Variants in ATP13A5 observed in about 807,000 individuals in gnomAD.
ATP13A5 encodes ATPase 13A5.
ATP13A5 carries 149 observed loss-of-function variants against 150.2 expected under a neutral mutation model. The ratio of observed to expected loss-of-function variants is 0.99; its 90% CI spans 0.87 to 1.14. The LOEUF (loss-of-function observed/expected upper bound fraction) is 1.14, where lower values mean the gene tolerates loss of function less well. Ranked by LOEUF, ATP13A5 falls within the 50% of genes most tolerant of loss-of-function variation. The pLI is 0.00. For missense variants in ATP13A5, 1,383 were observed against 1,449.3 expected, an observed-to-expected ratio of 0.95 and a Z score of 0.74; for synonymous variants, 497 against 522.2, an observed-to-expected ratio of 0.95 and a Z score of 0.66.
intron 1 of ATP13A5, among the ~76,000 whole-genome samples, chr3:193,368,661 C>T (rs1713335845): frequency 6.6e-6 from 1 of 152,142 alleles, no homozygotes; most frequent in African/African-American, 2.4e-5. Context: ...AAAGGAGCCA[C>T]TGCAATCTGT....
Position 193,285,130 on chromosome 3 carries a change from A to G in ATP13A5, c.3024-14T>C, listed in dbSNP as rs1294805663. On this transcript the variant is annotated splice_polypyrimidine_tract_variant and intron_variant, in intron 26 of 29. Coordinates refer to ENST00000342358, the MANE Select transcript of ATP13A5 (RefSeq NM_198505.4). ...AGAAAACACTCACTACAAAAGAATC[A>G]CCAGTGTTTATGAAACATTTGATTC... 6.2e-7 allele frequency: 1 copy of G among 1,603,970 alleles called. No individual in the cohort carries two copies. The highest frequency in any genetic ancestry group is 1.3e-5 in the African/African-American group (1 of 74,540).
Position 193,364,031 on chromosome 3 carries a change from CCA to C in ATP13A5, c.237+74_237+75del, listed in dbSNP as rs1384408253. Reference sequence around the variant, plus strand: ...TCTACCTTCTGAAATATAATACCAGCCACAGAGTTATGCCACAGAGGCAATAC... The same window carrying C: ...TCTACCTTCTGAAATATAATACCAGCCAGAGTTATGCCACAGAGGCAATAC... On this transcript the variant is annotated intron_variant, in intron 2 of 29. Transcript: ENST00000342358. 8 of 1,444,640 alleles carry C rather than the reference CCA, an allele frequency of 5.5e-6. No homozygotes were observed. In the South Asian group the frequency reaches 7.6e-5, roughly 14 times the overall value. The allele number at this position is 1,444,640 out of a possible 1,614,324, so 89.5% of individuals were successfully genotyped here. A position where few individuals can be genotyped will look rare whatever the true frequency, so the allele number is the denominator to read the frequency against.
In ATP13A5 at chr3:193,336,305, G is replaced by A. The variant is rs1711857531; in HGVS notation, c.944-1206C>T. On this transcript the variant is annotated intron_variant, in intron 9 of 29. Coordinates refer to ENST00000342358, the MANE Select transcript of ATP13A5 (RefSeq NM_198505.4). ...CACAACATGCAGGTTTGTTACATAT[G>A]TATACATGTGCCATGCTGGTGTGCT... 2.0e-5 allele frequency among the ~76,000 whole-genome samples: 3 copies of A among 152,066 alleles called. No homozygotes were observed. The South Asian group carries it at 6.2e-4, about 32-fold the overall frequency.
intron 1 of ATP13A5, among the ~76,000 whole-genome samples, chr3:193,373,049 G>T (rs911979198): frequency 6.6e-5 from 10 of 152,088 alleles, no homozygotes; most frequent in African/African-American, 2.4e-4. Flanking sequence ...TTTTTGAGGG[G>T]AAGTTCTTTA....
intron 8 of ATP13A5, 105 bp from the exon 9 acceptor site, chr3:193,344,160 T>C (rs755351958): frequency 1.6e-5 from 22 of 1,399,512 alleles, no homozygotes; most frequent in Non-Finnish European, 1.9e-5. Flanking sequence ...AGAGCTACCC[T>C]ACCTGTTCAA....
At position 193,378,685 on chromosome 3, in the gene ATP13A5, T is replaced by A; in HGVS notation, c.41A>T (p.Asn14Ile). The change falls in exon 1 of 30, where the codon AAC becomes ATC. Residue 14 changes from asparagine (N) to isoleucine (I), a missense_variant. Physicochemically the swap from Asn to Ile is moderately radical, Grantham distance 149 (BLOSUM62 -3). This residue lies in a region of ATP13A5 where 787 missense variants were observed against 771.9 expected (regional missense o/e 1.02). Transcript: ENST00000342358. ...CACCAGTTCATCCTCCTCTCCCTGG[T>A]TGAGCAAAGCCCGATGGTCCTTCTT... The part of the protein sequence containing the change: ...NSKKDHRALL[N>I]QGEEDELEVF... 1 of 1,613,982 alleles carries A rather than the reference T, an allele frequency of 6.2e-7. No homozygotes were observed. Among genetic ancestry groups the A allele is most frequent in the Non-Finnish European group, 8.5e-7 (1 of 1,179,858 alleles).
chr3:193,349,004 A>C (rs1229644257), intron 7 of ATP13A5, among the ~76,000 whole-genome samples: 1 of 152,184 alleles, frequency 6.6e-6, no homozygotes, highest in African/African-American at 2.4e-5. Flanking sequence ...TATAAAAATC[A>C]TGTATGTTTT....
intron 7 of ATP13A5, among the ~76,000 whole-genome samples, chr3:193,346,293 A>G (rs1367170996): frequency 2.6e-5 from 4 of 152,206 alleles, no homozygotes; most frequent in Non-Finnish European, 4.4e-5. Flanking sequence ...GAGATCGTTT[A>G]TTGAGTTAGG....
chr3:193,378,581 C>T (rs1395441349), intron 1 of ATP13A5, 82 bp downstream of exon 1: 2 of 1,228,992 alleles, frequency 1.6e-6, no homozygotes, highest in African/African-American at 1.5e-5. Flanking sequence ...AAATGCTACA[C>T]TCTATTTTCT....
In ATP13A5 at chr3:193,326,935, T is replaced by C. The variant is rs73888259; in HGVS notation, c.1523+61A>G. The C allele has an allele frequency of 4.6e-4, 662 of 1,454,768 alleles. 3 individuals carry two copies. The African/African-American group carries it at 8.4e-3, about 18-fold the overall frequency. The allele number at this position is 1,454,768 out of a possible 1,614,324, so 90.1% of individuals were successfully genotyped here. On this transcript the variant is annotated intron_variant, in intron 13 of 29. Coordinates refer to ENST00000342358, the MANE Select transcript of ATP13A5 (RefSeq NM_198505.4). Reference sequence around the variant, plus strand: ...CATCCCTTAACACCCAAAAGATGGATTTGAGTATCATCCAGGTAACTCCAC... The same window carrying C: ...CATCCCTTAACACCCAAAAGATGGACTTGAGTATCATCCAGGTAACTCCAC...
intron 27 of ATP13A5, chr3:193,281,131 C>A: frequency 1.0e-6 from 1 of 965,178 alleles, no homozygotes; most frequent in Non-Finnish European, 1.2e-6. Context: ...ATAAAGCAAT[C>A]TAAATGGCTT....
chr3:193,353,246 T>C (rs575199866), intron 6 of ATP13A5, among the ~76,000 whole-genome samples: 1 of 146,440 alleles, frequency 6.8e-6, no homozygotes, highest in African/African-American at 2.5e-5. Flanking sequence ...AACAAAGCCA[T>C]CAAAGAAGCA....
intron 1 of ATP13A5, among the ~76,000 whole-genome samples, chr3:193,371,188 G>A (rs1325964921): frequency 2.6e-5 from 4 of 152,134 alleles, no homozygotes; most frequent in African/African-American, 7.2e-5. Context: ...TGGCAAGTTC[G>A]GTTAAAAGTC....
At position 193,362,558 on chromosome 3, in the gene ATP13A5, T is replaced by C. The variant is rs756641726; in HGVS notation, c.455+9A>G. 1.9e-6 allele frequency: 3 copies of C among 1,613,882 alleles called. No individual in the cohort carries two copies. In the South Asian group the frequency reaches 3.3e-5, roughly 18 times the overall value. On this transcript the variant is annotated intron_variant, in intron 4 of 29. Transcript: ENST00000342358. ...TCCTGACCAAGGGGTGACAAAACAT[T>C]GTACTTACCCAACTTTCTGAAACCG...
chr3:193,292,344 A>G (rs1717997238), intron 25 of ATP13A5, among the ~76,000 whole-genome samples: 1 of 152,154 alleles, frequency 6.6e-6, no homozygotes, highest in Non-Finnish European at 1.5e-5. Context: ...TTCTCTGTGC[A>G]TCTGGCTTCT....
chr3:193,316,858 A>G (rs1719070425), intron 17 of ATP13A5, among the ~76,000 whole-genome samples: 1 of 152,184 alleles, frequency 6.6e-6, no homozygotes, highest in Admixed American at 6.6e-5. Flanking sequence ...CTTATCTTAT[A>G]CCATACGTAA....
intron 1 of ATP13A5, among the ~76,000 whole-genome samples, chr3:193,373,557 A>G (rs1260138959): frequency 6.6e-6 from 1 of 152,034 alleles, no homozygotes; most frequent in Non-Finnish European, 1.5e-5. Context: ...CATATCCTCA[A>G]CACCAATCTC....
chr3:193,331,020 A>G (rs1353241831), intron 12 of ATP13A5, 103 bp downstream of exon 12: 2 of 1,213,942 alleles, frequency 1.6e-6, no homozygotes, highest in Admixed American at 2.0e-5. Flanking sequence ...CAACGTTCCT[A>G]TCTGTAAAAT....
chr3:193,289,081 G>C (rs977980863), intron 26 of ATP13A5, among the ~76,000 whole-genome samples: 1 of 152,104 alleles, frequency 6.6e-6, no homozygotes, highest in Non-Finnish European at 1.5e-5. Context: ...CTGATCATTT[G>C]CTAGTTTTCA....
Sources: gnomAD v4.1 joint callset for allele counts (sites outside exome capture counted in the v4.1 genomes callset) on GRCh38, gnomAD v4.1.1 for gene constraint, gnomAD v4.1.1 regional missense constraint, MANE v1.5 for transcripts, NCBI Gene and HGNC (gene_info 2026-07-23, HGNC 2026-07-21) for gene names.